C3orf33: variants seen among roughly 807,000 people sequenced by gnomAD.
The protein encoded by C3orf33 is AP-1 activity suppressor.
C3orf33 carries 23 observed loss-of-function variants against 28.7 expected under a neutral mutation model. The observed-to-expected ratio is 0.80, with a 90% confidence interval of 0.58 to 1.13. The LOEUF is 1.13. Among genes scored for constraint, C3orf33 ranks in the 50% most tolerant of loss-of-function variants. C3orf33 has a pLI of 0.00. For missense variants in C3orf33, 327 were observed against 353.4 expected (o/e 0.93, Z 0.60); for synonymous variants, 119 against 120.5 (o/e 0.99, Z 0.08).
chr3:155,802,705 A>G, intron 1 of C3orf33, 114 bp from the exon 2 acceptor site: 1 of 734,592 alleles, frequency 1.4e-6, no homozygotes. Context: ...AATGTGTATA[A>G]ACAATGTATG....
Position 155,763,745 on chromosome 3 carries a change from G to A in C3orf33, c.657C>T (p.Asp219=). 1.9e-6 allele frequency: 3 copies of A among 1,599,382 alleles called. No homozygotes were observed. Among genetic ancestry groups the A allele is most frequent in the South Asian group, 2.3e-5 (2 of 86,758 alleles). Residue 219 remains aspartate, a synonymous_variant, in exon 5 of 5, where the codon GAC becomes GAT. Transcript: ENST00000340171. ...LKKGEGIWKE[D]SEKESYLEKF... ...TTTCTAAGTAACTTTCTTTTTCAGA[G>A]TCTTCCTTCCATATTCCTTCTCCTT...
chr3:155,763,513 C>G lies in C3orf33; in HGVS notation c.*4G>C, dbSNP rs569598290. The G allele has an allele frequency of 2.0e-6, 3 of 1,468,630 alleles. No individual in the cohort carries two copies. In the Admixed American group the frequency reaches 8.1e-5, roughly 40 times the overall value. The allele number at this position is 1,468,630 out of a possible 1,614,324, so 91.0% of individuals were successfully genotyped here. On this transcript the variant is annotated 3_prime_UTR_variant, in exon 5 of 5. Coordinates refer to ENST00000340171, the MANE Select transcript of C3orf33 (RefSeq NM_001308229.2). ...GAAGGTTACCTCTAGATTTCTTGAC[C>G]GTTTCACCCTTTTCTACGAAAGTTT...
intron 3 of C3orf33, among the ~76,000 whole-genome samples, chr3:155,771,095 A>AGTGT (rs369176697): frequency 2.1e-5 from 3 of 140,870 alleles, no homozygotes; most frequent in African/African-American, 8.1e-5. Context: ...GCTGGAGGAC[A>AGTGT]GTGTGTGTGT....
At chr3:155,805,405 A>G (rs1386972759) in intron 1 of C3orf33, among the ~76,000 whole-genome samples, 3 of 152,042 alleles carry the variant, frequency 2.0e-5, no homozygotes, top group East Asian at 1.9e-4. Context: ...GGAGACTGCA[A>G]CGAGACATAA....
intron 2 of C3orf33, among the ~76,000 whole-genome samples, chr3:155,792,293 G>T (rs1577432786): frequency 6.6e-6 from 1 of 152,154 alleles, no homozygotes; most frequent in African/African-American, 2.4e-5. Context: ...AAATATGGCT[G>T]CAGTGACCAA....
chr3:155,800,838 C>A (rs1751626901), intron 2 of C3orf33, among the ~76,000 whole-genome samples: 1 of 151,890 alleles, frequency 6.6e-6, no homozygotes, highest in South Asian at 2.1e-4. Context: ...TGCTCAACAT[C>A]ACTAATCATT....
intron 2 of C3orf33, among the ~76,000 whole-genome samples, chr3:155,798,875 A>T (rs1238877112): frequency 6.6e-6 from 1 of 152,224 alleles, no homozygotes; most frequent in Non-Finnish European, 1.5e-5. Context: ...CATCCATCTG[A>T]CAAGGAATTA....
At chr3:155,806,033 G>T (rs1751798745) in intron 1 of C3orf33, 106 bp downstream of exon 1, 3 of 753,712 alleles carry the variant, frequency 4.0e-6, no homozygotes, top group South Asian at 3.5e-5. Context: ...GTTTTCTGTC[G>T]CTCCCCGGCC....
intron 2 of C3orf33, among the ~76,000 whole-genome samples, chr3:155,788,956 C>A (rs181975596): frequency 5.7e-4 from 87 of 152,330 alleles, no homozygotes; most frequent in Non-Finnish European, 9.8e-4. Context: ...AGAACTAACA[C>A]ACAAATTCAA....
At position 155,763,610 on chromosome 3, in the gene C3orf33, A is replaced by C. The variant is rs1750303094; in HGVS notation, c.792T>G (p.Thr264=). 2 of 1,591,326 alleles carry C rather than the reference A, an allele frequency of 1.3e-6. No individual in the cohort carries two copies. Among genetic ancestry groups the C allele is most frequent in the Admixed American group, 3.7e-5 (2 of 53,612 alleles). Reference sequence around the variant, plus strand: ...TCATGTTGTCTTTCCATATTTCATAAGTCCTTTTAAGTTTTTCATAATAAC... The same window carrying C: ...TCATGTTGTCTTTCCATATTTCATACGTCCTTTTAAGTTTTTCATAATAAC... The part of the protein sequence containing the change: ...KESYYEKLKR[T]YEIWKDNMNN... Residue 264 remains threonine (T), a synonymous_variant, in exon 5 of 5, where the codon ACT becomes ACG. Coordinates refer to ENST00000340171, the MANE Select transcript of C3orf33 (RefSeq NM_001308229.2).
chr3:155,784,062 G>T (rs1335087452), intron 2 of C3orf33, among the ~76,000 whole-genome samples: 3 of 151,980 alleles, frequency 2.0e-5, no homozygotes, highest in Non-Finnish European at 4.4e-5. Context: ...CTCCCAAGTA[G>T]CTGGGATTAC....
chr3:155,802,431 T>G, intron 2 of C3orf33, 101 bp downstream of exon 2: 1 of 834,032 alleles, frequency 1.2e-6, no homozygotes. Context: ...AAGCTACCAA[T>G]ACGAGTAACA....
chr3:155,784,558 G>T (rs1751040592), intron 2 of C3orf33, among the ~76,000 whole-genome samples: 1 of 151,840 alleles, frequency 6.6e-6, no homozygotes, highest in African/African-American at 2.4e-5. Flanking sequence ...TGGCCAACAT[G>T]GTGAAACCCT....
At chr3:155,798,177 T>C (rs1751535637) in intron 2 of C3orf33, among the ~76,000 whole-genome samples, 1 of 152,048 alleles carries the variant, frequency 6.6e-6, no homozygotes, top group Non-Finnish European at 1.5e-5. Flanking sequence ...AGAATCAATA[T>C]TGTTAACATG....
At chr3:155,781,158 C>T (rs553156805) in intron 2 of C3orf33, among the ~76,000 whole-genome samples, 247 of 151,312 alleles carry the variant, frequency 1.6e-3, no homozygotes, top group Non-Finnish European at 2.8e-3. Flanking sequence ...CCACCGCGCC[C>T]GGCTAATTTT....
intron 2 of C3orf33, among the ~76,000 whole-genome samples, chr3:155,784,034 C>T (rs917251367): frequency 1.3e-5 from 2 of 151,338 alleles, no homozygotes; most frequent in African/African-American, 4.9e-5. Context: ...CGGGTTCAAC[C>T]GATTCTCCTG....
chr3:155,806,096 C>T (rs1751801407), intron 1 of C3orf33, 43 bp downstream of exon 1: 5 of 1,320,480 alleles, frequency 3.8e-6, no homozygotes, highest in Non-Finnish European at 5.0e-6. Flanking sequence ...CGCTCTGTGC[C>T]GCCCCGCGCC....
At chr3:155,802,462 TA>T in intron 2 of C3orf33, 69 bp downstream of exon 2, 1 of 1,162,204 alleles carries the variant, frequency 8.6e-7, no homozygotes, top group Non-Finnish European at 1.3e-6. Flanking sequence ...CTGTTTGAGA[TA>T]AAAATTGTCT....
intron 3 of C3orf33, among the ~76,000 whole-genome samples, chr3:155,770,993 T>TGTGTG (rs1553770156): frequency 2.1e-5 from 3 of 140,160 alleles, no homozygotes; most frequent in Non-Finnish European, 3.1e-5. Flanking sequence ...TGTGTGTGTG[T>TGTGTG]TGAGACATAG....
Sources: allele counts gnomAD v4.1 joint callset (sites outside exome capture counted in the v4.1 genomes callset), GRCh38; gene constraint gnomAD v4.1.1; transcripts MANE v1.5; gene names NCBI Gene and HGNC (gene_info 2026-07-23, HGNC 2026-07-21).